Variants in EIF3H observed in about 807,000 individuals in gnomAD.
EIF3H encodes the protein eIF-3-gamma.
A neutral mutation model predicts 44.2 loss-of-function variants in EIF3H; 26 were observed. That is an observed-to-expected ratio of 0.59 (90% CI 0.43 to 0.82). The LOEUF (loss-of-function observed/expected upper bound fraction) is 0.82, where lower values mean the gene tolerates loss of function less well. EIF3H is among the 40% of genes least tolerant of loss of function. The pLI, the probability that EIF3H is intolerant of heterozygous loss-of-function variation, is 0.00. For missense variants in EIF3H, 359 were observed against 432.8 expected, an observed-to-expected ratio of 0.83 and a Z score of 1.51; for synonymous variants, 166 against 151.9, an observed-to-expected ratio of 1.09 and a Z score of -0.68.
Position 116,645,083 on chromosome 8 carries a change from G to C in EIF3H, c.982C>G (p.Gln328Glu), listed in dbSNP as rs776544485. 3.0e-5 allele frequency: 49 copies of C among 1,613,894 alleles called. No homozygotes were observed. The highest frequency in any genetic ancestry group is 3.9e-5 in the Non-Finnish European group (46 of 1,179,918). Residue 328 changes from glutamine to glutamate, a missense_variant, in exon 8 of 8, where the codon CAG (glutamine) becomes GAG (glutamate). Physicochemically the swap from Gln to Glu is conservative, Grantham distance 29. Around this residue, in one of 5 missense-constraint regions of EIF3H, gnomAD observed 94 missense variants for 96.0 expected, o/e 0.98. Transcript: ENST00000521861. ...TGGGCAGTGAACTCCTTGATGTTCT[G>C]GCAGTAAGTGTTTATCTGGCCTGTG... ...LIAGQINTYCQNIKEFTAQNL... is the reference protein window; with the variant it reads ...LIAGQINTYCENIKEFTAQNL...
chr8:116,752,740 AGAAAGAAAGAAAGAGGGAGGGAGG>A (rs1815373049), intron 1 of EIF3H, among the ~76,000 whole-genome samples: 1 of 115,316 alleles, frequency 8.7e-6, no homozygotes, highest in African/African-American at 3.3e-5. Context: ...AAGAAGAGAA[AGAAAGAAAGAAAGAGGGAGGGAGG>A]GAGGGAGGGA....
At chr8:116,650,139 G>GAC (rs1471390937) in intron 5 of EIF3H, among the ~76,000 whole-genome samples, 2 of 152,172 alleles carry the variant, frequency 1.3e-5, no homozygotes, top group African/African-American at 4.8e-5. Flanking sequence ...GCATGTTTAT[G>GAC]ACACATTTTG....
At chr8:116,737,983 C>T (rs1187291871) in intron 1 of EIF3H, among the ~76,000 whole-genome samples, 1 of 143,328 alleles carries the variant, frequency 7.0e-6, no homozygotes, top group Non-Finnish European at 1.5e-5. Context: ...TGCAATGAGC[C>T]GAGATCGCAC....
At chr8:116,737,894 G>A (rs1815068960) in intron 1 of EIF3H, among the ~76,000 whole-genome samples, 1 of 151,656 alleles carries the variant, frequency 6.6e-6, no homozygotes, top group Non-Finnish European at 1.5e-5. Context: ...AAGTAGCCAG[G>A]CCTGGTGGTG....
intron 1 of EIF3H, among the ~76,000 whole-genome samples, chr8:116,726,674 G>C (rs1318047118): frequency 6.6e-6 from 1 of 152,110 alleles, no homozygotes; most frequent in East Asian, 1.9e-4. Flanking sequence ...GCAACAACGG[G>C]AACACGTACC....
intron 2 of EIF3H, among the ~76,000 whole-genome samples, chr8:116,675,921 T>C (rs1226391840): frequency 1.3e-5 from 2 of 152,230 alleles, no homozygotes; most frequent in Non-Finnish European, 2.9e-5. Context: ...TACATTTCAA[T>C]GTGTAAAACG....
intron 1 of EIF3H, among the ~76,000 whole-genome samples, chr8:116,746,366 C>T (rs1815235661): frequency 1.3e-5 from 2 of 152,172 alleles, no homozygotes; most frequent in South Asian, 2.1e-4. Flanking sequence ...CCCACGTCTC[C>T]CCATTGATAA....
intron 2 of EIF3H, among the ~76,000 whole-genome samples, chr8:116,669,060 C>CA (rs1012413204): frequency 6.6e-6 from 1 of 151,830 alleles, no homozygotes; most frequent in Non-Finnish European, 1.5e-5. Flanking sequence ...TGTGTCACTA[C>CA]AAAAATCAAA....
chr8:116,754,607 G>A (rs183513405), intron 1 of EIF3H, among the ~76,000 whole-genome samples: 2 of 152,298 alleles, frequency 1.3e-5, no homozygotes, highest in East Asian at 3.9e-4. Flanking sequence ...CTATGATACA[G>A]ATACTTCTCA....
intron 3 of EIF3H, chr8:116,658,399 C>T (rs1365142995): frequency 6.5e-6 from 1 of 154,486 alleles, no homozygotes; most frequent in Middle Eastern, 3.4e-3. Flanking sequence ...AATCTTTGTG[C>T]TAAGAAACAG....
chr8:116,648,834 G>C lies in EIF3H; in HGVS notation c.800C>G (p.Thr267Ser), dbSNP rs751010442. 2.5e-6 allele frequency: 4 copies of C among 1,607,930 alleles called. No individual in the cohort carries two copies. Among genetic ancestry groups the C allele is most frequent in the Non-Finnish European group, 3.4e-6 (4 of 1,177,248 alleles). The change falls in exon 6 of 8, where the codon ACT becomes AGT. Residue 267 changes from threonine (T) to serine (S), a missense_variant. Thr to Ser is a moderately conservative substitution (Grantham distance 58). Transcript: ENST00000521861. ...ATGTTTCTGCTGCTGTTGTTTACTAGTATTCCTCATGTATGTGTTGTATTT... is the reference window on the plus strand; with the variant it reads ...ATGTTTCTGCTGCTGTTGTTTACTACTATTCCTCATGTATGTGTTGTATTT... ...IVKYNTYMRN[T>S]SKQQQQKHQY...
At chr8:116,655,476 G>A (rs974498559) in intron 5 of EIF3H, among the ~76,000 whole-genome samples, 4 of 152,042 alleles carry the variant, frequency 2.6e-5, no homozygotes, top group Non-Finnish European at 4.4e-5. Context: ...TTCTTTTCCT[G>A]AGCATTATTA....
In EIF3H at chr8:116,655,924, G is replaced by A; in HGVS notation, c.639C>T (p.Val213=). 6.2e-7 allele frequency: 1 copy of A among 1,613,646 alleles called. No individual in the cohort carries two copies. Among genetic ancestry groups the A allele is most frequent in the Non-Finnish European group, 8.5e-7 (1 of 1,179,698 alleles). The stretch of plus-strand genomic sequence containing the variant: ...ACTTCTTTTCAAGTTCCCACATTAG[G>A]ACATTGATCAGATGTGAATTTTTAA... ...IVIKNSHLIN[V]LMWELEKKSA... is the part of the protein sequence containing the mutation. Residue 213 remains valine (V), a synonymous_variant, in exon 5 of 8, where the codon GTC becomes GTT. Transcript: ENST00000521861.
chr8:116,755,315 G>A (rs1815421327), intron 1 of EIF3H, among the ~76,000 whole-genome samples: 1 of 152,146 alleles, frequency 6.6e-6, no homozygotes, highest in South Asian at 2.1e-4. Context: ...CTCCTTCCCA[G>A]AGCCCTACTA....
intron 2 of EIF3H, among the ~76,000 whole-genome samples, chr8:116,704,415 T>A (rs1449512994): frequency 1.3e-5 from 2 of 152,238 alleles, no homozygotes; most frequent in African/African-American, 4.8e-5. Flanking sequence ...GCGAGGATGA[T>A]GATACCATTC....
chr8:116,659,092 G>C (rs557732538), intron 2 of EIF3H, 112 bp from the exon 3 acceptor site: 2 of 872,812 alleles, frequency 2.3e-6, no homozygotes, highest in Non-Finnish European at 3.3e-6. Flanking sequence ...ATTAGCAATA[G>C]GGAACAGGAT....
intron 2 of EIF3H, among the ~76,000 whole-genome samples, chr8:116,670,709 G>T (rs1452737496): frequency 4.6e-5 from 7 of 152,132 alleles, no homozygotes; most frequent in East Asian, 1.9e-4. Context: ...TCACATTTTT[G>T]ATACTCTCAG....
intron 2 of EIF3H, among the ~76,000 whole-genome samples, chr8:116,676,303 G>C (rs1813845269): frequency 6.6e-6 from 1 of 152,244 alleles, no homozygotes; most frequent in Admixed American, 6.5e-5. Context: ...AGAACTGCCT[G>C]AGACTAGGCT....
At position 116,750,496 on chromosome 8, in the gene EIF3H, G is replaced by A. The variant is rs185909161; in HGVS notation, c.132+5170C>T. ...GCAATCTCGGCTCACTGCAAGCTCCGCCTCCCCGGTTCATGCCATTCCCCT... is the reference window on the plus strand; with the variant it reads ...GCAATCTCGGCTCACTGCAAGCTCCACCTCCCCGGTTCATGCCATTCCCCT... On this transcript the variant is annotated intron_variant, in intron 1 of 7. Transcript: ENST00000521861. Among the ~76,000 whole-genome samples, 62 of 145,008 alleles carry A rather than the reference G, an allele frequency of 4.3e-4. 1 individual carries two copies. In the South Asian group the frequency reaches 0.013, roughly 29 times the overall value.
Sources: allele counts gnomAD v4.1 joint callset (sites outside exome capture counted in the v4.1 genomes callset), GRCh38; gene constraint gnomAD v4.1.1; regional missense constraint gnomAD v4.1.1; transcripts MANE v1.5; gene names NCBI Gene and HGNC (gene_info 2026-07-23, HGNC 2026-07-21).